Variants in DACH2 observed in about 807,000 individuals in gnomAD.
DACH2 encodes dachshund homolog 2.
Under a neutral mutation model 35.8 loss-of-function variants are expected in DACH2, and 17 were observed. The observed-to-expected ratio is 0.48, with a 90% CI of 0.33 to 0.71. The LOEUF (loss-of-function observed/expected upper bound fraction) is 0.71, where lower values mean the gene tolerates loss of function less well. Among genes scored for constraint, DACH2 ranks in the 30% least tolerant of loss-of-function variants. The probability of loss-of-function intolerance (pLI) is 0.02; values close to 1 mark genes in which losing one functional copy is unlikely to be tolerated. For synonymous variants in DACH2, 195 were observed against 177.3 expected, an observed-to-expected ratio of 1.10 and a Z score of -0.79; for missense variants, 469 against 472.7, an observed-to-expected ratio of 0.99 and a Z score of 0.07.
intron 4 of DACH2, among the ~76,000 whole-genome samples, chrX:86,688,973 T>C (rs1006236909): frequency 9.9e-5 from 11 of 111,583 alleles, no homozygotes; most frequent in African/African-American, 3.6e-4. Context: ...TAGCCACAGG[T>C]GACTAGTGGC....
chrX:86,630,769 C>A (rs181550761), intron 3 of DACH2, among the ~76,000 whole-genome samples: 1 of 109,773 alleles, frequency 9.1e-6, no homozygotes, highest in East Asian at 2.9e-4. Flanking sequence ...CAGCTCACTG[C>A]AACTTCCGCC....
intron 1 of DACH2, among the ~76,000 whole-genome samples, chrX:86,296,763 C>G (rs1258927797): frequency 9.0e-6 from 1 of 110,725 alleles, no homozygotes; most frequent in Non-Finnish European, 1.9e-5. Flanking sequence ...ATACTGGAGA[C>G]TTTACACATT....
At chrX:86,821,644 C>G (rs1164922287) in intron 11 of DACH2, among the ~76,000 whole-genome samples, 1 of 111,056 alleles carries the variant, frequency 9.0e-6, no homozygotes, top group African/African-American at 3.3e-5. Flanking sequence ...CTAATTTTTT[C>G]TTAGGAGGAT....
At chrX:86,589,486 C>A (rs1405363202) in intron 3 of DACH2, among the ~76,000 whole-genome samples, 1 of 111,301 alleles carries the variant, frequency 9.0e-6, no homozygotes, top group Non-Finnish European at 1.9e-5. Flanking sequence ...CATTTACACA[C>A]TATTTTCCTT....
rs183183033 is a variant in DACH2, at chrX:86,809,059, C to T, written c.1241-3797C>T. Among the ~76,000 whole-genome samples, 189 of 111,651 alleles carry T rather than the reference C, an allele frequency of 1.7e-3. 1 individual carries two copies. The highest frequency in any genetic ancestry group is 2.1e-3 in the Non-Finnish European group (112 of 53,022). On this transcript the variant is annotated intron_variant, in intron 7 of 11. Coordinates refer to ENST00000373125, the MANE Select transcript of DACH2 (RefSeq NM_053281.3). ...CTAAGTGGATGCCCAAGTGCTATTA[C>T]AAAGTATGGCAGGTTTAACAAACAG...
intron 2 of DACH2, among the ~76,000 whole-genome samples, chrX:86,447,389 G>T (rs1312590159): frequency 1.7e-4 from 1 of 6,031 alleles, no homozygotes; most frequent in Non-Finnish European, 2.8e-4. Flanking sequence ...GTCCTGAATG[G>T]TAATGCCTAG....
In DACH2 at chrX:86,537,559, G is replaced by C. The variant is rs761944232; in HGVS notation, c.640+23168G>C. On this transcript the variant is annotated intron_variant, in intron 3 of 11. Coordinates refer to ENST00000373125, the MANE Select transcript of DACH2 (RefSeq NM_053281.3). ...AAAATCCTTCTAATCAATAAATTCT[G>C]TTTCCTTTTAATTATAAATTCCATC... Among the ~76,000 whole-genome samples the C allele has an allele frequency of 2.7e-5, 3 of 111,801 alleles. No homozygotes were observed. In the South Asian group the frequency reaches 1.1e-3, roughly 42 times the overall value.
At chrX:86,401,273 C>T (rs1315215786) in intron 2 of DACH2, among the ~76,000 whole-genome samples, 3 of 112,392 alleles carry the variant, frequency 2.7e-5, no homozygotes, top group Non-Finnish European at 5.6e-5. Flanking sequence ...CAGGTGCCAT[C>T]TGTCACCCCT....
intron 11 of DACH2, among the ~76,000 whole-genome samples, chrX:86,817,850 C>T (rs1447412797): frequency 8.9e-6 from 1 of 111,991 alleles, no homozygotes; most frequent in Non-Finnish European, 1.9e-5. Flanking sequence ...TGCATATTTA[C>T]TTGCACTTAG....
chrX:86,297,559 A>T (rs2034491923), intron 1 of DACH2, among the ~76,000 whole-genome samples: 1 of 111,948 alleles, frequency 8.9e-6, no homozygotes, highest in South Asian at 3.7e-4. Flanking sequence ...ATTGGAAAGC[A>T]GTCAGATTGT....
chrX:86,429,572 T>G (rs2036952242), intron 2 of DACH2, among the ~76,000 whole-genome samples: 1 of 110,317 alleles, frequency 9.1e-6, no homozygotes, highest in African/African-American at 3.3e-5. Flanking sequence ...TTCTTTTCTT[T>G]TTTTTCTTGA....
chrX:86,620,777 CT>C (rs1307697291), intron 3 of DACH2, among the ~76,000 whole-genome samples: 2 of 105,222 alleles, frequency 1.9e-5, no homozygotes, highest in Non-Finnish European at 3.9e-5. Context: ...ACTAAATAAT[CT>C]TTTGACAAGC....
chrX:86,543,394 G>A (rs1008995183), intron 3 of DACH2, among the ~76,000 whole-genome samples: 1 of 111,659 alleles, frequency 9.0e-6, no homozygotes, highest in African/African-American at 3.3e-5. Context: ...AACAGCACAA[G>A]AACTGTCACA....
chrX:86,627,224 A>G (rs1307824959), intron 3 of DACH2, among the ~76,000 whole-genome samples: 1 of 111,565 alleles, frequency 9.0e-6, no homozygotes, highest in Non-Finnish European at 1.9e-5. Flanking sequence ...TCAATGTTCC[A>G]CAGATCTGTA....
At chrX:86,815,630 C>CAT (rs899530573) in intron 10 of DACH2, among the ~76,000 whole-genome samples, 2 of 103,048 alleles carry the variant, frequency 1.9e-5, no homozygotes, top group Admixed American at 1.1e-4. Context: ...TATATATACA[C>CAT]ATATATATAA....
At chrX:86,301,784 A>G (rs2034580747) in intron 1 of DACH2, among the ~76,000 whole-genome samples, 1 of 112,156 alleles carries the variant, frequency 8.9e-6, no homozygotes, top group Non-Finnish European at 1.9e-5. Context: ...TCTTATCAGT[A>G]TATTTGCAGT....
At chrX:86,625,674 C>A (rs937282189) in intron 3 of DACH2, among the ~76,000 whole-genome samples, 7 of 111,233 alleles carry the variant, frequency 6.3e-5, no homozygotes, top group African/African-American at 2.0e-4. Flanking sequence ...CTAGGGAGGC[C>A]TCACCATTAT....
chrX:86,162,220 T>A (rs1359317399), intron 1 of DACH2, among the ~76,000 whole-genome samples: 5 of 111,403 alleles, frequency 4.5e-5, no homozygotes, highest in African/African-American at 1.6e-4. Context: ...TATGGATTCA[T>A]GTTCCTTCAA....
intron 1 of DACH2, among the ~76,000 whole-genome samples, chrX:86,257,093 A>C (rs2033535167): frequency 1.8e-5 from 2 of 111,614 alleles, no homozygotes; most frequent in Admixed American, 1.9e-4. Flanking sequence ...GTGATTTTTC[A>C]ATAATCTTCA....
Sources: gnomAD v4.1 joint callset for allele counts (sites outside exome capture counted in the v4.1 genomes callset) on GRCh38, gnomAD v4.1.1 for gene constraint, MANE v1.5 for transcripts, NCBI Gene and HGNC (gene_info 2026-07-23, HGNC 2026-07-21) for gene names.